The following MPZL1 variants were observed in gnomAD, a reference collection of about 807,000 sequenced individuals.
MPZL1 encodes myelin protein zero like 1.
In MPZL1, 16 loss-of-function variants were observed where a neutral mutation model predicts 29.3. The observed-to-expected ratio is 0.55, with a 90% CI of 0.37 to 0.83. The LOEUF is 0.83. Among genes scored for constraint, MPZL1 ranks in the 40% least tolerant of loss-of-function variants. The pLI is 0.00. For synonymous variants in MPZL1, 143 were observed against 132.0 expected, an observed-to-expected ratio of 1.08 and a Z score of -0.57; for missense variants, 279 against 332.9, an observed-to-expected ratio of 0.84 and a Z score of 1.26.
intron 1 of MPZL1, among the ~76,000 whole-genome samples, chr1:167,725,744 C>T (rs934580456): frequency 6.6e-6 from 1 of 152,198 alleles, no homozygotes; most frequent in Non-Finnish European, 1.5e-5. Context: ...CTTGGCCTCC[C>T]AAAGTGCTGG....
intron 1 of MPZL1, among the ~76,000 whole-genome samples, chr1:167,740,514 C>G (rs1183002882): frequency 6.6e-6 from 1 of 152,172 alleles, no homozygotes; most frequent in African/African-American, 2.4e-5. Context: ...TTCTTCCCCT[C>G]TCACAGTCTG....
intron 1 of MPZL1, among the ~76,000 whole-genome samples, chr1:167,747,194 C>G (rs1403747891): frequency 6.6e-6 from 1 of 152,190 alleles, no homozygotes; most frequent in African/African-American, 2.4e-5. Flanking sequence ...GTAGAAGGAA[C>G]TAGTCTTTTA....
In MPZL1 at chr1:167,773,085, T is replaced by C. The variant is rs547132179; in HGVS notation, c.473-151T>C. 4.1e-6 allele frequency: 3 copies of C among 738,690 alleles called. No individual in the cohort carries two copies. In the African/African-American group the frequency reaches 5.3e-5, roughly 13 times the overall value. 45.8% of individuals were successfully genotyped at this position (738,690 alleles called of 1,614,324 possible). A position where few individuals can be genotyped will look rare whatever the true frequency, so the allele number is the denominator to read the frequency against. On this transcript the variant is annotated intron_variant, in intron 3 of 5. Transcript: ENST00000359523. ...TATTCACATGTCATGAATTACATAG[T>C]AATAGGATAGATAGTAGGATCTCAT...
chr1:167,760,271 C>T (rs761018593), intron 1 of MPZL1, among the ~76,000 whole-genome samples: 2 of 152,134 alleles, frequency 1.3e-5, no homozygotes, highest in Non-Finnish European at 2.9e-5. Flanking sequence ...GGTGTGATCT[C>T]AGCTCACTGC....
chr1:167,753,280 C>T lies in MPZL1; in HGVS notation c.92-12303C>T, dbSNP rs115510890. Among the ~76,000 whole-genome samples the T allele has an allele frequency of 2.7e-3, 416 of 152,236 alleles. 1 individual carries two copies. Among genetic ancestry groups the T allele is most frequent in the Non-Finnish European group, 4.0e-3 (269 of 68,022 alleles). ...AAGTGAGAGCAAGCTGATACCAGCTCGCCACCAACAGCCTTTGCCAAATGT... is the reference window on the plus strand; with the variant it reads ...AAGTGAGAGCAAGCTGATACCAGCTTGCCACCAACAGCCTTTGCCAAATGT... On this transcript the variant is annotated intron_variant, in intron 1 of 5. Transcript: ENST00000359523.
rs1311938051 is a variant in MPZL1, at chr1:167,778,549, GAT to G, written c.708+2384_708+2385del. 3.8e-4 allele frequency among the ~76,000 whole-genome samples: 58 copies of G among 151,774 alleles called. 1 individual carries two copies. In the East Asian group the frequency reaches 8.3e-3, roughly 22 times the overall value. On this transcript the variant is annotated intron_variant, in intron 5 of 5. Coordinates refer to ENST00000359523, the MANE Select transcript of MPZL1 (RefSeq NM_003953.6). ...GGATGGATGGATGGATGGATGGATGGATGGATGGATGGATGGATAGATTTAAA... is the reference window on the plus strand; with the variant it reads ...GGATGGATGGATGGATGGATGGATGGGGATGGATGGATGGATAGATTTAAA...
rs1318343939 is a variant in MPZL1, at chr1:167,791,261, A to T, written c.*3340A>T. The T allele has an allele frequency of 6.6e-6, 1 of 152,276 alleles. No individual in the cohort carries two copies. Among genetic ancestry groups the T allele is most frequent in the Non-Finnish European group, 1.5e-5 (1 of 68,074 alleles). The allele number at this position is 152,276 out of a possible 1,614,324, so 9.4% of individuals were successfully genotyped here. On this transcript the variant is annotated 3_prime_UTR_variant, in exon 6 of 6. Coordinates refer to ENST00000359523, the MANE Select transcript of MPZL1 (RefSeq NM_003953.6). ...TGCAGTAAAGGGAACAGCACCTGGC[A>T]CTTAGCTGCTCAATACATGTTACGT...
rs1558125276 is a variant in MPZL1 at position 167,778,605 on chromosome 1, T to TA, written c.708+2445dup. ...ATAATAATTTAATAATTAATTACAA[T>TA]AAAAAATCAGGAGAAATCAATCAGA... On this transcript the variant is annotated intron_variant, in intron 5 of 5. Coordinates refer to ENST00000359523, the MANE Select transcript of MPZL1 (RefSeq NM_003953.6). 2.0e-5 allele frequency among the ~76,000 whole-genome samples: 3 copies of TA among 151,248 alleles called. No individual in the cohort carries two copies. In the South Asian group the frequency reaches 6.2e-4, roughly 31 times the overall value.
chr1:167,728,024 C>T (rs1179697685), intron 1 of MPZL1, among the ~76,000 whole-genome samples: 1 of 113,704 alleles, frequency 8.8e-6, no homozygotes, highest in South Asian at 2.9e-4. Context: ...TAAGCCACCA[C>T]GCCCAACTAA....
intron 1 of MPZL1, among the ~76,000 whole-genome samples, chr1:167,738,251 C>G (rs999179404): frequency 6.6e-6 from 1 of 151,908 alleles, no homozygotes; most frequent in Admixed American, 6.6e-5. Flanking sequence ...AATTCATTAC[C>G]TTTTTTTGAT....
In MPZL1 at chr1:167,772,346, T is replaced by C. The variant is rs1661270424; in HGVS notation, c.330T>C (p.Ala110=). The change falls in exon 3 of 6, where the codon GCT becomes GCC. Residue 110 remains alanine (A), a synonymous_variant. Transcript: ENST00000359523. ...CATTTAAAGACAGAATCAGCTGGGC[T>C]GGAGACCTTGACAAGAAAGATGCAT... ...YPPFKDRISW[A]GDLDKKDASI... 6.2e-7 allele frequency: 1 copy of C among 1,613,932 alleles called. No homozygotes were observed.
At chr1:167,769,565 C>G (rs878867678) in intron 2 of MPZL1, among the ~76,000 whole-genome samples, 3 of 152,182 alleles carry the variant, frequency 2.0e-5, no homozygotes, top group Admixed American at 1.3e-4. Flanking sequence ...TCTGAGTCTT[C>G]TTCATGGGAG....
At chr1:167,736,983 CG>C (rs1270004083) in intron 1 of MPZL1, among the ~76,000 whole-genome samples, 3 of 152,132 alleles carry the variant, frequency 2.0e-5, no homozygotes, top group Non-Finnish European at 4.4e-5. Context: ...TCCTTGAATT[CG>C]TGTATGATAT....
chr1:167,788,232 C>T lies in MPZL1; in HGVS notation c.*311C>T, dbSNP rs1438435024. On this transcript the variant is annotated 3_prime_UTR_variant, in exon 6 of 6. Transcript: ENST00000359523. ...GAGATTTCAGAAACATTCCTTTCAC[C>T]ATCATTTAGAAATGGTTTGCCTTAA... The T allele has an allele frequency of 5.5e-5, 15 of 273,058 alleles. No individual in the cohort carries two copies. Among genetic ancestry groups the T allele is most frequent in the Non-Finnish European group, 5.7e-5 (8 of 141,138 alleles). 16.9% of individuals were successfully genotyped at this position (273,058 alleles called of 1,614,324 possible).
intron 5 of MPZL1, among the ~76,000 whole-genome samples, chr1:167,779,792 G>C (rs1427373011): frequency 6.6e-6 from 1 of 152,056 alleles, no homozygotes; most frequent in African/African-American, 2.4e-5. Context: ...GCAAATTCTA[G>C]AGCAAACACT....
intron 2 of MPZL1, 199 bp downstream of exon 2, chr1:167,765,948 A>C (rs1661106936): frequency 2.5e-6 from 1 of 394,892 alleles, no homozygotes; most frequent in African/African-American, 2.1e-5. Context: ...CTTGTCTTTG[A>C]TCAGTTCCTC....
chr1:167,769,630 A>G (rs1013825616), intron 2 of MPZL1, among the ~76,000 whole-genome samples: 22 of 152,216 alleles, frequency 1.4e-4, no homozygotes, highest in Non-Finnish European at 3.1e-4. Flanking sequence ...CCTGTGGCCA[A>G]CTAACTTTGT....
At chr1:167,728,017 G>A (rs1201314753) in intron 1 of MPZL1, among the ~76,000 whole-genome samples, 1 of 149,240 alleles carries the variant, frequency 6.7e-6, no homozygotes, top group African/African-American at 2.5e-5. Flanking sequence ...ACAGGCATAA[G>A]CCACCACGCC....
chr1:167,735,474 A>G (rs1270119616), intron 1 of MPZL1, among the ~76,000 whole-genome samples: 1 of 152,194 alleles, frequency 6.6e-6, no homozygotes, highest in Non-Finnish European at 1.5e-5. Flanking sequence ...CTCCAGAGAA[A>G]CAGAACCAGC....
Sources: allele counts gnomAD v4.1 joint callset (sites outside exome capture counted in the v4.1 genomes callset), GRCh38; gene constraint gnomAD v4.1.1; transcripts MANE v1.5; gene names NCBI Gene and HGNC (gene_info 2026-07-23, HGNC 2026-07-21).